CCDC102B: variants seen among roughly 807,000 people sequenced by gnomAD.
CCDC102B encodes coiled-coil domain-containing protein 102B.
A neutral mutation model predicts 57.4 loss-of-function variants in CCDC102B; 75 were observed. The ratio of observed to expected loss-of-function variants is 1.31; its 90% CI spans 1.08 to 1.58. The LOEUF is 1.58. Among genes scored for constraint, CCDC102B ranks in the 40% most tolerant of loss-of-function variants. The pLI is 0.00. For missense variants in CCDC102B, 636 were observed against 582.6 expected, an observed-to-expected ratio of 1.09 and a Z score of -0.94; for synonymous variants, 206 against 201.9, an observed-to-expected ratio of 1.02 and a Z score of -0.17.
intron 1 of CCDC102B, among the ~76,000 whole-genome samples, chr18:68,820,521 A>C (rs1258734860): frequency 6.6e-6 from 1 of 152,092 alleles, no homozygotes; most frequent in African/African-American, 2.4e-5. Flanking sequence ...TCTTGTTATC[A>C]GGGTTTTATT....
At chr18:68,997,364 T>C (rs2051058427) in intron 6 of CCDC102B, among the ~76,000 whole-genome samples, 1 of 152,206 alleles carries the variant, frequency 6.6e-6, no homozygotes, top group African/African-American at 2.4e-5. Flanking sequence ...ATCTATTTCC[T>C]CATCTTACTT....
At chr18:68,976,458 A>T (rs1290418656) in intron 6 of CCDC102B, among the ~76,000 whole-genome samples, 3 of 152,056 alleles carry the variant, frequency 2.0e-5, no homozygotes, top group Admixed American at 6.6e-5. Flanking sequence ...TATAAAGTAT[A>T]TGGAGTAACG....
intron 6 of CCDC102B, among the ~76,000 whole-genome samples, chr18:68,993,917 G>T (rs1340005978): frequency 6.6e-6 from 1 of 151,864 alleles, no homozygotes; most frequent in East Asian, 1.9e-4. Context: ...CACTGTGGTT[G>T]GTATCTGCTT....
At chr18:68,735,985 T>TG (rs1483447909) in intron 2 of CCDC102B, among the ~76,000 whole-genome samples, 1 of 152,208 alleles carries the variant, frequency 6.6e-6, no homozygotes. Context: ...TCTTTGTGAA[T>TG]CACTTTTCTC....
At chr18:68,769,678 A>G (rs946291274) in intron 2 of CCDC102B, among the ~76,000 whole-genome samples, 1 of 152,144 alleles carries the variant, frequency 6.6e-6, no homozygotes, top group African/African-American at 2.4e-5. Context: ...GACTGTGAGT[A>G]GTAATAAGGA....
At chr18:68,755,629 A>G (rs1349030972) in intron 2 of CCDC102B, among the ~76,000 whole-genome samples, 2 of 152,124 alleles carry the variant, frequency 1.3e-5, no homozygotes, top group African/African-American at 2.4e-5. Flanking sequence ...ATCTGCCACA[A>G]AATTGTTAGA....
chr18:68,814,223 T>G lies in CCDC102B; in HGVS notation c.-16+16042T>G, dbSNP rs556378503. On this transcript the variant is annotated intron_variant, in intron 1 of 7. Coordinates refer to ENST00000360242, the MANE Select transcript of CCDC102B (RefSeq NM_024781.3). ...GGAGGAAAACATTTTTTCAATCTTT[T>G]TTTGACATGGAGGAATTTTCTAGCT... 3.3e-5 allele frequency among the ~76,000 whole-genome samples: 5 copies of G among 152,328 alleles called. No individual in the cohort carries two copies. In the East Asian group the frequency reaches 9.6e-4, roughly 29 times the overall value.
chr18:68,781,766 TAGAAGAC>T (rs1334376731), intron 2 of CCDC102B, among the ~76,000 whole-genome samples: 2 of 152,176 alleles, frequency 1.3e-5, no homozygotes, highest in South Asian at 2.1e-4. Context: ...GTGGAATAAA[TAGAAGAC>T]AGAAAGATTG....
intron 6 of CCDC102B, among the ~76,000 whole-genome samples, chr18:68,941,564 T>G (rs2049381043): frequency 6.6e-6 from 1 of 152,146 alleles, no homozygotes; most frequent in Non-Finnish European, 1.5e-5. Context: ...CTTCTTCACT[T>G]TGTTGCTTAA....
At chr18:68,905,699 C>T (rs2040605708) in intron 6 of CCDC102B, among the ~76,000 whole-genome samples, 2 of 151,770 alleles carry the variant, frequency 1.3e-5, no homozygotes, top group South Asian at 2.1e-4. Context: ...TCCTAGCAAC[C>T]GCACTTCTGC....
At chr18:68,791,271 A>G (rs557437021) in intron 2 of CCDC102B, among the ~76,000 whole-genome samples, 6 of 152,328 alleles carry the variant, frequency 3.9e-5, no homozygotes, top group African/African-American at 1.2e-4. Context: ...TAAGTTGTAG[A>G]CACTCTTTCC....
intron 7 of CCDC102B, among the ~76,000 whole-genome samples, chr18:69,037,798 G>C (rs1337641747): frequency 1.3e-5 from 2 of 151,948 alleles, no homozygotes; most frequent in Non-Finnish European, 2.9e-5. Context: ...GAGGCTTTTT[G>C]TGTTAATCTG....
At chr18:69,055,228 C>T, downstream of CCDC102B, 1 of 849,752 alleles carries the variant, frequency 1.2e-6, no homozygotes, top group Non-Finnish European at 1.4e-6. Context: ...TGAGTCTTCA[C>T]TTTTTCCCTG....
chr18:68,946,415 C>T (rs951137326), intron 6 of CCDC102B, among the ~76,000 whole-genome samples: 8 of 151,966 alleles, frequency 5.3e-5, no homozygotes, highest in African/African-American at 1.9e-4. Flanking sequence ...GTGAATATTA[C>T]ATACTTAAAT....
upstream of CCDC102B, among the ~76,000 whole-genome samples, chr18:68,793,789 C>A (rs1160504287): frequency 6.6e-6 from 1 of 152,144 alleles, no homozygotes; most frequent in African/African-American, 2.4e-5. Flanking sequence ...TTAAGAAATT[C>A]ATAGCTTTTT....
At chr18:68,943,302 C>G (rs957444671) in intron 6 of CCDC102B, among the ~76,000 whole-genome samples, 2 of 152,046 alleles carry the variant, frequency 1.3e-5, no homozygotes, top group African/African-American at 4.8e-5. Context: ...ATTAAGTAGA[C>G]TTTTAATTGA....
intron 4 of CCDC102B, among the ~76,000 whole-genome samples, chr18:68,863,344 C>T (rs1171573549): frequency 2.6e-5 from 4 of 151,710 alleles, no homozygotes; most frequent in East Asian, 3.9e-4. Context: ...AAATGAAAGT[C>T]GGATTTAAAG....
At chr18:69,057,850 C>G (rs2052841457), downstream of CCDC102B, among the ~76,000 whole-genome samples, 1 of 151,948 alleles carries the variant, frequency 6.6e-6, no homozygotes, top group South Asian at 2.1e-4. Flanking sequence ...TTTTCCCCAG[C>G]TTTTCTTTTA....
At chr18:68,959,165 A>T (rs992202931) in intron 6 of CCDC102B, among the ~76,000 whole-genome samples, 1 of 152,106 alleles carries the variant, frequency 6.6e-6, no homozygotes, top group Non-Finnish European at 1.5e-5. Flanking sequence ...CTGTATTCAA[A>T]GGGACTTGGG....
Sources: gnomAD v4.1 joint callset for allele counts (sites outside exome capture counted in the v4.1 genomes callset) on GRCh38, gnomAD v4.1.1 for gene constraint, MANE v1.5 for transcripts, NCBI Gene and HGNC (gene_info 2026-07-23, HGNC 2026-07-21) for gene names.